The following TMEM132D variants were observed in gnomAD, a reference collection of about 807,000 sequenced individuals.
TMEM132D encodes mature OL transmembrane protein.
Under a neutral mutation model 62.3 loss-of-function variants are expected in TMEM132D, and 21 were observed. That is an observed-to-expected ratio of 0.34 (90% CI 0.24 to 0.49). TMEM132D has a LOEUF of 0.49. Ranked by LOEUF, TMEM132D falls within the 20% of genes least tolerant of loss-of-function variation. TMEM132D has a pLI of 0.99. For synonymous variants in TMEM132D, 621 were observed against 575.6 expected, an observed-to-expected ratio of 1.08 and a Z score of -1.13; for missense variants, 1,346 against 1,402.8, an observed-to-expected ratio of 0.96 and a Z score of 0.65.
In TMEM132D at chr12:129,100,015, C is replaced by A. The variant is rs1231367568; in HGVS notation, c.1444-15313G>T. Among the ~76,000 whole-genome samples the A allele has an allele frequency of 3.3e-5, 4 of 121,902 alleles. 1 individual carries two copies. The highest frequency in any genetic ancestry group is 2.1e-4 in the African/African-American group (3 of 14,004). 80.0% of individuals were successfully genotyped at this position (121,902 alleles called of 152,430 possible). On this transcript the variant is annotated intron_variant, in intron 5 of 8. Coordinates refer to ENST00000422113, the MANE Select transcript of TMEM132D (RefSeq NM_133448.3). ...TAATTTTTTGTATTTTTAGTAGAGA[C>A]GGGGCCACTTTATTTTTTATTTAAT...
chr12:129,839,044 G>A (rs968343403), intron 1 of TMEM132D, among the ~76,000 whole-genome samples: 10 of 142,696 alleles, frequency 7.0e-5, no homozygotes, highest in African/African-American at 2.6e-4. Flanking sequence ...CTCCACCACC[G>A]GTTTTGAGAG....
At chr12:129,887,070 C>A (rs893378723) in intron 1 of TMEM132D, among the ~76,000 whole-genome samples, 1 of 152,164 alleles carries the variant, frequency 6.6e-6, no homozygotes, top group Non-Finnish European at 1.5e-5. Flanking sequence ...CTAATACACT[C>A]TTGTATTTCA....
In TMEM132D at chr12:129,605,857, AT is replaced by A. The variant is rs1878611332; in HGVS notation, c.969-74653del. 2.0e-5 allele frequency among the ~76,000 whole-genome samples: 3 copies of A among 152,048 alleles called. No homozygotes were observed. In the South Asian group the frequency reaches 6.2e-4, roughly 32 times the overall value. ...GCAAGGGACAAGTAAACAAGCTTAGATTCCACAAAGCCAGAAACAATGCAGC... is the reference window on the plus strand; with the variant it reads ...GCAAGGGACAAGTAAACAAGCTTAGATCCACAAAGCCAGAAACAATGCAGC... On this transcript the variant is annotated intron_variant, in intron 2 of 8. Coordinates refer to ENST00000422113, the MANE Select transcript of TMEM132D (RefSeq NM_133448.3).
At chr12:129,118,380 T>C (rs536326568) in intron 5 of TMEM132D, among the ~76,000 whole-genome samples, 1 of 152,306 alleles carries the variant, frequency 6.6e-6, no homozygotes, top group East Asian at 1.9e-4. Context: ...AGCTCTGCGG[T>C]ACATGGTCTC....
chr12:129,652,130 G>C lies in TMEM132D; in HGVS notation c.968+47680C>G, dbSNP rs375842458. 6.6e-5 allele frequency among the ~76,000 whole-genome samples: 10 copies of C among 152,268 alleles called. No individual in the cohort carries two copies. The East Asian group carries it at 1.4e-3, about 21-fold the overall frequency. On this transcript the variant is annotated intron_variant, in intron 2 of 8. Transcript: ENST00000422113. ...TTTAGGACTTTGAAAACTAGTTAATGAATCACTTGCACAACACATCTGCTT... is the reference window on the plus strand; with the variant it reads ...TTTAGGACTTTGAAAACTAGTTAATCAATCACTTGCACAACACATCTGCTT...
chr12:129,210,674 A>G (rs1174343017), intron 4 of TMEM132D, among the ~76,000 whole-genome samples: 1 of 152,162 alleles, frequency 6.6e-6, no homozygotes, highest in Non-Finnish European at 1.5e-5. Context: ...TCTAAGCTCC[A>G]TGGGGCTGTA....
intron 4 of TMEM132D, among the ~76,000 whole-genome samples, chr12:129,326,013 T>C (rs1430845631): frequency 6.6e-6 from 1 of 152,150 alleles, no homozygotes; most frequent in Non-Finnish European, 1.5e-5. Flanking sequence ...TCTGAAAGGA[T>C]GGAAGGCTAC....
rs191902821 is a variant in TMEM132D at position 129,471,954 on chromosome 12, G to A, written c.1115+59105C>T. Among the ~76,000 whole-genome samples, 17 of 152,348 alleles carry A rather than the reference G, an allele frequency of 1.1e-4. No homozygotes were observed. The East Asian group carries it at 2.3e-3, about 21-fold the overall frequency. ...GAGAGGTGAGGAAGCTACGGAAGTT[G>A]GAAGTTGGCAGAGGTTGATTAATAA... On this transcript the variant is annotated intron_variant, in intron 3 of 8. Transcript: ENST00000422113.
chr12:129,422,189 G>A lies in TMEM132D; in HGVS notation c.1116-84372C>T, dbSNP rs117834827. ...GAACGTTTACATATTTGGGTTTGACGAAACATTCTAAGCAAGAGACAAAAA... is the reference window on the plus strand; with the variant it reads ...GAACGTTTACATATTTGGGTTTGACAAAACATTCTAAGCAAGAGACAAAAA... On this transcript the variant is annotated intron_variant, in intron 3 of 8. Transcript: ENST00000422113. 8.1e-4 allele frequency among the ~76,000 whole-genome samples: 123 copies of A among 151,026 alleles called. 2 individuals are homozygous for A. The East Asian group carries it at 0.021, about 25-fold the overall frequency.
intron 2 of TMEM132D, among the ~76,000 whole-genome samples, chr12:129,623,686 C>CATATATACAT (rs1050452470): frequency 1.2e-5 from 1 of 84,102 alleles, no homozygotes; most frequent in Non-Finnish European, 2.6e-5. Flanking sequence ...CATATATATA[C>CATATATACAT]ATATATACAT....
chr12:129,319,458 C>T (rs1014781735), intron 4 of TMEM132D, among the ~76,000 whole-genome samples: 1 of 152,216 alleles, frequency 6.6e-6, no homozygotes, highest in African/African-American at 2.4e-5. Context: ...TTCGGGGTGT[C>T]TCCTGATCCT....
intron 3 of TMEM132D, among the ~76,000 whole-genome samples, chr12:129,378,665 C>T (rs780223367): frequency 1.3e-5 from 2 of 152,146 alleles, no homozygotes; most frequent in Non-Finnish European, 2.9e-5. Context: ...GGAAGAGTGA[C>T]GCTCCATTTT....
intron 3 of TMEM132D, among the ~76,000 whole-genome samples, chr12:129,341,110 G>T (rs983253670): frequency 3.9e-5 from 6 of 152,178 alleles, no homozygotes; most frequent in Admixed American, 2.0e-4. Context: ...GCACTTAACA[G>T]CTTTCCAAAC....
intron 1 of TMEM132D, among the ~76,000 whole-genome samples, chr12:129,815,735 G>A (rs578140979): frequency 1.6e-3 from 242 of 152,300 alleles, no homozygotes; most frequent in Non-Finnish European, 3.0e-3. Flanking sequence ...TCCAAGTGAT[G>A]AGATTTCAAG....
intron 3 of TMEM132D, among the ~76,000 whole-genome samples, chr12:129,481,968 G>T (rs958444227): frequency 2.0e-5 from 3 of 152,216 alleles, no homozygotes; most frequent in Non-Finnish European, 4.4e-5. Flanking sequence ...AAGACTCAGA[G>T]GCTTGATTTT....
rs148386338 is a variant in TMEM132D, at chr12:129,718,465, C to A, written c.80-17767G>T. 1.8e-4 allele frequency among the ~76,000 whole-genome samples: 28 copies of A among 152,326 alleles called. No individual in the cohort carries two copies. The East Asian group carries it at 5.2e-3, about 28-fold the overall frequency. On this transcript the variant is annotated intron_variant, in intron 1 of 8. Transcript: ENST00000422113. ...TCTTCCCAGTTAAAGTCAATAAAAC[C>A]TTTACTGGCCAGTTGTCCTTATTTT...
At chr12:129,687,821 G>A (rs537955151) in intron 2 of TMEM132D, among the ~76,000 whole-genome samples, 1 of 152,258 alleles carries the variant, frequency 6.6e-6, no homozygotes, top group Admixed American at 6.5e-5. Context: ...GAGCCTGCCA[G>A]TTGGCCAGAG....
chr12:129,300,820 A>G (rs1881693207), intron 4 of TMEM132D, among the ~76,000 whole-genome samples: 1 of 152,224 alleles, frequency 6.6e-6, no homozygotes, highest in Admixed American at 6.5e-5. Flanking sequence ...AGTTGCTGTT[A>G]GAAATATTGT....
chr12:129,336,994 C>T (rs894669966), intron 4 of TMEM132D, among the ~76,000 whole-genome samples: 14 of 152,126 alleles, frequency 9.2e-5, no homozygotes, highest in African/African-American at 3.1e-4. Flanking sequence ...GGAGGCCCAG[C>T]GCCTCTCAAA....
Sources: allele counts gnomAD v4.1 joint callset (sites outside exome capture counted in the v4.1 genomes callset), GRCh38; gene constraint gnomAD v4.1.1; transcripts MANE v1.5; gene names NCBI Gene and HGNC (gene_info 2026-07-23, HGNC 2026-07-21).